Variants in PRPF18 observed in about 807,000 individuals in gnomAD.
The protein encoded by PRPF18 is pre-mRNA processing factor 18.
PRPF18 carries 38 observed loss-of-function variants against 46.5 expected under a neutral mutation model. That is an observed-to-expected ratio of 0.82 (90% CI 0.63 to 1.07). The LOEUF (loss-of-function observed/expected upper bound fraction) is 1.07. PRPF18 is among the 50% of genes least tolerant of loss of function. PRPF18 has a pLI of 0.00. For synonymous variants in PRPF18, 152 were observed against 146.7 expected, an observed-to-expected ratio of 1.04 and a Z score of -0.26; for missense variants, 263 against 410.0, an observed-to-expected ratio of 0.64 and a Z score of 3.10.
intron 4 of PRPF18, among the ~76,000 whole-genome samples, chr10:13,607,901 A>C (rs997591137): frequency 6.6e-6 from 1 of 152,142 alleles, no homozygotes; most frequent in African/African-American, 2.4e-5. Context: ...GGGCTCTTGA[A>C]AAGAGTATTG....
In PRPF18 at chr10:13,597,479, CG is replaced by C; in HGVS notation, c.89del (p.Arg30LeufsTer30). 6.2e-7 allele frequency: 1 copy of C among 1,604,078 alleles called. No homozygotes were observed. The highest frequency in any genetic ancestry group is 8.5e-7 in the Non-Finnish European group (1 of 1,175,574). The part of the protein sequence containing the change: ...LLVENKKYFK[R>X]SELAKKEEEA... ...ATAGGAAAATAAAAAATATTTCAAG[CG>C]TAGTGAGCTCGCCAAAAAAGAAGAG... is the stretch of plus-strand genomic sequence containing the variant. On this transcript the variant is annotated frameshift_variant, in exon 2 of 10. Coordinates refer to ENST00000378572, the MANE Select transcript of PRPF18 (RefSeq NM_003675.4). LOFTEE classifies it high-confidence loss of function.
chr10:13,592,943 T>G (rs1368827756), intron 1 of PRPF18, among the ~76,000 whole-genome samples: 2 of 152,176 alleles, frequency 1.3e-5, no homozygotes, highest in Non-Finnish European at 2.9e-5. Flanking sequence ...CACTAGAGTA[T>G]AACAGAGCAC....
At chr10:13,621,453 C>G (rs2080418729) in intron 9 of PRPF18, among the ~76,000 whole-genome samples, 1 of 152,182 alleles carries the variant, frequency 6.6e-6, no homozygotes, top group African/African-American at 2.4e-5. Context: ...TCTCGGGTGG[C>G]TGTCTCCATA....
chr10:13,647,732 CTTTTT>C, the PRPF18 span: 111 of 138,912 alleles, frequency 8.0e-4, 1 homozygote, highest in African/African-American at 2.9e-3. Flanking sequence ...AAATAAAAGG[CTTTTT>C]TTTTTTTTTT....
the PRPF18 span, chr10:13,645,723 G>A: frequency 6.6e-6 from 1 of 152,426 alleles, no homozygotes; most frequent in Non-Finnish European, 1.5e-5. Context: ...TCTACCTAAG[G>A]GCATAGTTGG....
At chr10:13,618,823 A>T (rs1022110803) in intron 9 of PRPF18, among the ~76,000 whole-genome samples, 1 of 152,154 alleles carries the variant, frequency 6.6e-6, no homozygotes, top group Non-Finnish European at 1.5e-5. Context: ...TGAATTCATG[A>T]TAGAGCAAGA....
At chr10:13,643,390 A>C in the PRPF18 span, 3 of 152,250 alleles carry the variant, frequency 2.0e-5, no homozygotes, top group African/African-American at 7.2e-5. Context: ...TAGTGATGCA[A>C]AGGCTGAGAT....
intron 9 of PRPF18, 106 bp downstream of exon 9, chr10:13,616,659 G>A: frequency 1.4e-6 from 2 of 1,417,516 alleles, no homozygotes; most frequent in Admixed American, 2.0e-5. Context: ...ATAGAACATA[G>A]CGTGATAGGA....
In PRPF18 at chr10:13,624,643, A is replaced by G. The variant is rs568614117; in HGVS notation, c.949-5617A>G. Among the ~76,000 whole-genome samples the G allele has an allele frequency of 4.5e-4, 69 of 152,356 alleles. 2 individuals are homozygous for G. In the South Asian group the frequency reaches 0.013, roughly 29 times the overall value. ...ACAGGAAAATTGAGTGGAATATACA[A>G]TATTGACAAATGAGACCTTTAGTTC... On this transcript the variant is annotated intron_variant, in intron 9 of 9. Transcript: ENST00000378572.
intron 1 of PRPF18, among the ~76,000 whole-genome samples, chr10:13,589,868 A>G (rs1474096856): frequency 5.3e-5 from 8 of 152,176 alleles, no homozygotes; most frequent in Admixed American, 6.5e-5. Context: ...AGGTATGGGG[A>G]AAAGCTTGTT....
chr10:13,616,386 CT>C lies in PRPF18; in HGVS notation c.793-9del. The C allele has an allele frequency of 1.3e-6, 2 of 1,597,882 alleles. No homozygotes were observed. The highest frequency in any genetic ancestry group is 1.7e-6 in the Non-Finnish European group (2 of 1,169,756). On this transcript the variant is annotated splice_polypyrimidine_tract_variant and intron_variant, in intron 8 of 9. Coordinates refer to ENST00000378572, the MANE Select transcript of PRPF18 (RefSeq NM_003675.4). The stretch of plus-strand genomic sequence containing the variant: ...TTCGCCTTTCTGATTTCTTCTTACA[CT>C]TTCCTTTCAGGCAAATGATGCTTAT...
chr10:13,621,556 T>C (rs1191900691), intron 9 of PRPF18, among the ~76,000 whole-genome samples: 1 of 152,204 alleles, frequency 6.6e-6, no homozygotes, highest in South Asian at 2.1e-4. Context: ...AGCGCTAGGT[T>C]GCTCTACTGT....
At chr10:13,591,586 G>T in intron 1 of PRPF18, 1 of 687,354 alleles carries the variant, frequency 1.5e-6, no homozygotes, top group Non-Finnish European at 2.7e-6. Flanking sequence ...GATCAATCTT[G>T]TGCTGCTCTG....
the PRPF18 span, chr10:13,654,787 T>G: frequency 4.2e-6 from 2 of 480,592 alleles, no homozygotes; most frequent in Non-Finnish European, 3.6e-6. Context: ...CCTGGGATCC[T>G]AGGTCCCCGC....
At chr10:13,610,286 G>A (rs1293934670) in intron 5 of PRPF18, 101 bp downstream of exon 5, 1 of 1,277,654 alleles carries the variant, frequency 7.8e-7, no homozygotes, top group Non-Finnish European at 1.1e-6. Flanking sequence ...GCACACTGTT[G>A]TCCTTGGTCT....
chr10:13,617,980 T>C (rs2080370167), intron 9 of PRPF18, among the ~76,000 whole-genome samples: 1 of 152,232 alleles, frequency 6.6e-6, no homozygotes, highest in African/African-American at 2.4e-5. Flanking sequence ...TCATAGCTCA[T>C]TGACAGAGGG....
At chr10:13,593,212 A>G (rs1273577070) in intron 1 of PRPF18, among the ~76,000 whole-genome samples, 1 of 152,236 alleles carries the variant, frequency 6.6e-6, no homozygotes, top group Non-Finnish European at 1.5e-5. Context: ...TACATTGGAA[A>G]ATCTAAGTGA....
intron 3 of PRPF18, 79 bp downstream of exon 3, chr10:13,600,427 A>G: frequency 1.9e-6 from 2 of 1,073,228 alleles, no homozygotes; most frequent in Middle Eastern, 2.1e-4. Flanking sequence ...CCAATAAGTT[A>G]AACGTCATTA....
In PRPF18 at chr10:13,611,648, C is replaced by G; in HGVS notation, c.544C>G (p.His182Asp). 1.2e-6 allele frequency: 2 copies of G among 1,613,974 alleles called. No homozygotes were observed. Residue 182 changes from histidine (H) to aspartate (D), a missense_variant, in exon 6 of 10, where the codon CAT becomes GAT. Transcript: ENST00000378572. ...LGESLGKGDD[H>D]KDMDIITKFL... is the part of the protein sequence containing the mutation. ...AGAGTCCTTAGGGAAAGGCGATGAT[C>G]ATAAAGACATGGACATCATCACCAA...
Sources: gnomAD v4.1 joint callset for allele counts (sites outside exome capture counted in the v4.1 genomes callset) on GRCh38, gnomAD v4.1.1 for gene constraint, MANE v1.5 for transcripts, NCBI Gene and HGNC (gene_info 2026-07-23, HGNC 2026-07-21) for gene names.